Variants in PCLO observed in about 807,000 individuals in gnomAD.
The protein encoded by PCLO is piccolo presynaptic cytomatrix protein.
In PCLO, 82 loss-of-function variants were observed where a neutral mutation model predicts 427.5. The ratio of observed to expected loss-of-function variants is 0.19; its 90% CI spans 0.16 to 0.23. The LOEUF (loss-of-function observed/expected upper bound fraction) is 0.23. Ranked by LOEUF, PCLO falls within the 10% of genes least tolerant of loss-of-function variation. The probability of loss-of-function intolerance (pLI) is 1.00; values close to 1 mark genes in which losing one functional copy is unlikely to be tolerated. For missense variants in PCLO, 6,239 were observed against 6,115.9 expected (o/e 1.02, Z -0.67); for synonymous variants, 2,357 against 2,155.4 (o/e 1.09, Z -2.59).
chr7:82,867,367 A>T (rs1986481), intron 10 of PCLO, among the ~76,000 whole-genome samples: 34,315 of 152,144 alleles, frequency 0.23, 5,125 homozygotes, highest in Middle Eastern at 0.34. Flanking sequence ...CTATTATCCC[A>T]GTTATCCAGC....
At chr7:83,006,956 G>A (rs1323494934) in intron 3 of PCLO, among the ~76,000 whole-genome samples, 1 of 151,192 alleles carries the variant, frequency 6.6e-6, no homozygotes, top group Non-Finnish European at 1.5e-5. Context: ...CCACATTATA[G>A]CATGCTATAT....
intron 3 of PCLO, among the ~76,000 whole-genome samples, chr7:83,067,238 T>A (rs1789691716): frequency 6.6e-6 from 1 of 152,160 alleles, no homozygotes; most frequent in Admixed American, 6.5e-5. Flanking sequence ...GTATTAACAA[T>A]CACATCATTG....
intron 22 of PCLO, among the ~76,000 whole-genome samples, chr7:82,789,439 C>T (rs530676263): frequency 1.3e-5 from 2 of 152,338 alleles, no homozygotes; most frequent in African/African-American, 4.8e-5. Flanking sequence ...GGCACAGTGG[C>T]TCATGCCTCT....
intron 3 of PCLO, among the ~76,000 whole-genome samples, chr7:83,044,870 T>TTA (rs1308478543): frequency 1.3e-5 from 2 of 152,150 alleles, no homozygotes; most frequent in African/African-American, 4.8e-5. Flanking sequence ...GTTATTTGGC[T>TTA]TACTGGAAGT....
In PCLO at chr7:83,162,839, C is replaced by G. The variant is rs1221612136; in HGVS notation, c.-247G>C. The G allele has an allele frequency of 3.7e-6, 2 of 535,348 alleles. No individual in the cohort carries two copies. 33.2% of individuals were successfully genotyped at this position (535,348 alleles called of 1,614,324 possible). On this transcript the variant is annotated 5_prime_UTR_variant, in exon 1 of 25. Transcript: ENST00000333891. The stretch of plus-strand genomic sequence containing the variant: ...GCCAGGCAACCTTTGCAGAAGACAC[C>G]TCCCGGACGCCGCCTCGGCGCCCCG...
intron 20 of PCLO, among the ~76,000 whole-genome samples, chr7:82,811,789 CA>C (rs1791577304): frequency 6.6e-6 from 1 of 151,454 alleles, no homozygotes; most frequent in African/African-American, 2.4e-5. Context: ...CAAGTTTTCA[CA>C]AATACAGGTG....
At chr7:83,095,917 T>C (rs941624350) in intron 3 of PCLO, among the ~76,000 whole-genome samples, 1 of 152,030 alleles carries the variant, frequency 6.6e-6, no homozygotes, top group African/African-American at 2.4e-5. Flanking sequence ...GGATGAGGGT[T>C]TTATAAACGT....
At chr7:82,932,718 C>T (rs999560167) in intron 6 of PCLO, among the ~76,000 whole-genome samples, 3 of 152,032 alleles carry the variant, frequency 2.0e-5, no homozygotes, top group East Asian at 3.9e-4. Flanking sequence ...ACTTTTACTA[C>T]ATAAAGGTGG....
intron 3 of PCLO, among the ~76,000 whole-genome samples, chr7:83,024,646 G>A (rs1233219874): frequency 1.3e-5 from 2 of 152,204 alleles, no homozygotes; most frequent in Non-Finnish European, 2.9e-5. Flanking sequence ...CTCCACCTCT[G>A]GGGGCAGGAC....
intron 22 of PCLO, among the ~76,000 whole-genome samples, chr7:82,787,391 A>G (rs745606688): frequency 1.3e-5 from 2 of 152,154 alleles, no homozygotes; most frequent in Non-Finnish European, 2.9e-5. Context: ...TCTTCTTTTG[A>G]GAAGAAGACA....
Position 82,846,551 on chromosome 7 carries a change from G to C in PCLO, c.13831+16C>G. Reference sequence around the variant, plus strand: ...ATCTCTTTATTTACAGTTGAAACTAGATTTCTTTTACCTACCAGCTTTTGG... The same window carrying C: ...ATCTCTTTATTTACAGTTGAAACTACATTTCTTTTACCTACCAGCTTTTGG... On this transcript the variant is annotated intron_variant, in intron 12 of 24. Coordinates refer to ENST00000333891, the MANE Select transcript of PCLO (RefSeq NM_033026.6). 1 of 1,556,264 alleles carries C rather than the reference G, an allele frequency of 6.4e-7. No individual in the cohort carries two copies. Among genetic ancestry groups the C allele is most frequent in the Non-Finnish European group, 8.8e-7 (1 of 1,133,092 alleles).
intron 3 of PCLO, among the ~76,000 whole-genome samples, chr7:83,005,869 T>C (rs1221496584): frequency 2.0e-5 from 3 of 151,646 alleles, no homozygotes; most frequent in East Asian, 1.9e-4. Context: ...GAATCAACTT[T>C]GAAATTAAGG....
At chr7:83,156,942 T>A (rs1390025534) in intron 1 of PCLO, among the ~76,000 whole-genome samples, 1 of 152,184 alleles carries the variant, frequency 6.6e-6, no homozygotes, top group Non-Finnish European at 1.5e-5. Flanking sequence ...AGAATTTACA[T>A]GAACTAAATA....
rs71074628 is a variant in PCLO, at chr7:83,156,403, T to TA, written c.249-12dup. The TA allele has an allele frequency of 0.094, 99,081 of 1,056,724 alleles. 750 individuals carry two copies. Among genetic ancestry groups the TA allele is most frequent in the East Asian group, 0.2 (7,258 of 35,998 alleles). The allele number at this position is 1,056,724 out of a possible 1,614,324, so 65.5% of individuals were successfully genotyped here. ...TCCAACTCTTGTTTCCTAGAAGAGT[T>TA]AAAAAAAAAAAAAAAAATCAAGTGA... is the stretch of plus-strand genomic sequence containing the variant. On this transcript the variant is annotated splice_polypyrimidine_tract_variant and intron_variant, in intron 1 of 24. Coordinates refer to ENST00000333891, the MANE Select transcript of PCLO (RefSeq NM_033026.6).
intron 4 of PCLO, 48 bp downstream of exon 4, chr7:82,965,723 A>G: frequency 7.7e-7 from 1 of 1,292,134 alleles, no homozygotes; most frequent in Non-Finnish European, 1.1e-6. Context: ...GTTAAAAATT[A>G]GTAATTTCAC....
chr7:83,162,243 G>A, intron 1 of PCLO, 102 bp downstream of exon 1: 1 of 1,340,306 alleles, frequency 7.5e-7, no homozygotes, highest in Non-Finnish European at 1.0e-6. Context: ...AATGAACGGA[G>A]GCGACATATA....
Position 82,951,136 on chromosome 7 carries a change from T to C in PCLO, c.9452A>G (p.Glu3151Gly), listed in dbSNP as rs779199130. 6.2e-7 allele frequency: 1 copy of C among 1,613,812 alleles called. No homozygotes were observed. Among genetic ancestry groups the C allele is most frequent in the Non-Finnish European group, 8.5e-7 (1 of 1,179,786 alleles). Residue 3151 changes from glutamate to glycine, a missense_variant, in exon 6 of 25, where the codon GAA becomes GGA. Glu to Gly is a moderately conservative substitution (Grantham distance 98). Coordinates refer to ENST00000333891, the MANE Select transcript of PCLO (RefSeq NM_033026.6). ...AATACCAGTTACTGCAATGTCCGTTTCAGATGCACCTGTTGTTATAAAATA... is the reference window on the plus strand; with the variant it reads ...AATACCAGTTACTGCAATGTCCGTTCCAGATGCACCTGTTGTTATAAAATA... ...RSYFITTGAS[E>G]TDIAVTGIDI...
intron 20 of PCLO, among the ~76,000 whole-genome samples, chr7:82,809,433 T>G (rs751751841): frequency 2.0e-5 from 3 of 151,656 alleles, no homozygotes; most frequent in Non-Finnish European, 4.4e-5. Context: ...AGAAATCACC[T>G]GCTTCATGCA....
Position 82,954,177 on chromosome 7 carries a change from G to C in PCLO, c.6776C>G (p.Ala2259Gly), listed in dbSNP as rs1795445397. 1.2e-6 allele frequency: 2 copies of C among 1,613,496 alleles called. No homozygotes were observed. The highest frequency in any genetic ancestry group is 1.7e-5 in the Admixed American group (1 of 59,986). ...RTAPPDGRASADHIVISLSDM... is the reference protein window; with the variant it reads ...RTAPPDGRASGDHIVISLSDM... ...AGATAAGGAAATAACAATATGATCA[G>C]CACTAGCTCTACCATCTGGTGGGGC... Residue 2259 changes from alanine to glycine, a missense_variant, in exon 5 of 25, where the codon GCT becomes GGT. By Grantham distance (60) the Ala-to-Gly change is moderately conservative (BLOSUM62 0). Transcript: ENST00000333891.
Sources: gnomAD v4.1 joint callset for allele counts (sites outside exome capture counted in the v4.1 genomes callset) on GRCh38, gnomAD v4.1.1 for gene constraint, MANE v1.5 for transcripts, NCBI Gene and HGNC (gene_info 2026-07-23, HGNC 2026-07-21) for gene names.